Variants in ZGRF1 observed in about 807,000 individuals in gnomAD.
The protein encoded by ZGRF1 is 5'-3' DNA helicase ZGRF1.
ZGRF1 carries 196 observed loss-of-function variants against 203.5 expected under a neutral mutation model. The ratio of observed to expected loss-of-function variants is 0.96; its 90% confidence interval spans 0.86 to 1.08. The LOEUF is 1.08. Ranked by LOEUF, ZGRF1 falls within the 50% of genes least tolerant of loss-of-function variation. The pLI, the probability that ZGRF1 is intolerant of heterozygous loss-of-function variation, is 0.00. For missense variants in ZGRF1, 2,326 were observed against 2,416.3 expected (o/e 0.96, Z 0.78); for synonymous variants, 809 against 841.3 (o/e 0.96, Z 0.66).
chr4:112,626,481 C>T (rs1338950299), intron 3 of ZGRF1, among the ~76,000 whole-genome samples: 1 of 152,222 alleles, frequency 6.6e-6, no homozygotes, highest in African/African-American at 2.4e-5. Flanking sequence ...GTTCCAACCA[C>T]ACTAATGTCC....
chr4:112,626,934 T>C (rs2047258315), intron 3 of ZGRF1, among the ~76,000 whole-genome samples: 1 of 151,992 alleles, frequency 6.6e-6, no homozygotes, highest in African/African-American at 2.4e-5. Context: ...ATCTCTTGAG[T>C]AGCTGGAATT....
rs767622223 is a variant in ZGRF1 at position 112,539,979 on chromosome 4, G to C, written c.6056C>G (p.Ser2019Ter). The C allele has an allele frequency of 6.2e-7, 1 of 1,613,654 alleles. No homozygotes were observed. The highest frequency in any genetic ancestry group is 8.5e-7 in the Non-Finnish European group (1 of 1,179,740). ...CAATGCAACATTCATTCTTTTTTCT[G>C]AATCAATGAATCCTACTTGTCTTGT... The part of the protein sequence containing the change: ...VRTRQVGFID[S>*]EKRMNVALTR... Residue 2019 changes from serine (S) to a stop codon, truncating the protein, a stop_gained, in exon 27 of 28, where the codon TCA becomes TGA. Transcript: ENST00000505019. LOFTEE classifies it high-confidence loss of function.
chr4:112,560,841 C>A lies in ZGRF1; in HGVS notation c.4852G>T (p.Asp1618Tyr). Residue 1618 changes from aspartate (D) to tyrosine (Y), a missense_variant, in exon 19 of 28, where the codon GAT becomes TAT. Coordinates refer to ENST00000505019, the MANE Select transcript of ZGRF1 (RefSeq NM_018392.5). ...ELIQVHKLNK[D>Y]QATALIQIAQ... ...ATTTGAATTAGAGCTGTAGCTTGAT[C>A]CTTGTTTAACTTGTGTACCTGAATC... 6.2e-7 allele frequency: 1 copy of A among 1,613,632 alleles called. No individual in the cohort carries two copies. Among genetic ancestry groups the A allele is most frequent in the South Asian group, 1.1e-5 (1 of 91,080 alleles).
At chr4:112,605,786 C>A (rs980731354) in intron 9 of ZGRF1, 2 of 491,068 alleles carry the variant, frequency 4.1e-6, no homozygotes, top group African/African-American at 4.0e-5. Context: ...ATAATGTAAA[C>A]ACTGTTATTA....
intron 24 of ZGRF1, among the ~76,000 whole-genome samples, chr4:112,541,658 A>G (rs966855314): frequency 4.0e-5 from 6 of 151,744 alleles, no homozygotes; most frequent in Non-Finnish European, 7.4e-5. Flanking sequence ...CCTCCCGAGT[A>G]GCTGGGATTA....
At chr4:112,552,423 T>C (rs1031299969) in intron 22 of ZGRF1, among the ~76,000 whole-genome samples, 1 of 152,206 alleles carries the variant, frequency 6.6e-6, no homozygotes, top group Admixed American at 6.5e-5. Context: ...CAATAGATCA[T>C]AGTAACTGGG....
intron 14 of ZGRF1, among the ~76,000 whole-genome samples, chr4:112,584,761 C>A (rs907285752): frequency 2.0e-5 from 3 of 152,208 alleles, no homozygotes; most frequent in Non-Finnish European, 2.9e-5. Context: ...TCCAAATTTA[C>A]ACACTTAGCT....
At chr4:112,549,871 C>T (rs1739574293) in intron 22 of ZGRF1, among the ~76,000 whole-genome samples, 1 of 152,042 alleles carries the variant, frequency 6.6e-6, no homozygotes, top group South Asian at 2.1e-4. Context: ...CTGACAGCCC[C>T]ATGTGTCCTA....
chr4:112,587,295 A>G lies in ZGRF1; in HGVS notation c.3762T>C (p.Ser1254=), dbSNP rs754105515. The G allele has an allele frequency of 5.6e-6, 9 of 1,609,344 alleles. No individual in the cohort carries two copies. Among genetic ancestry groups the G allele is most frequent in the Middle Eastern group, 1.9e-4 (1 of 5,200 alleles). Residue 1254 remains serine, a synonymous_variant, in exon 12 of 28, where the codon AGT becomes AGC. Transcript: ENST00000505019. ...VLGGSTCYNY[S]VKDLQEISGS... The stretch of plus-strand genomic sequence containing the variant: ...ATTTCCTCACCTGTAAATCCTTTAC[A>G]CTGTAGTTGTAGCAGGTAGACCCTC...
chr4:112,632,088 A>C, intron 2 of ZGRF1, 78 bp from the exon 3 acceptor site: 1 of 591,800 alleles, frequency 1.7e-6, no homozygotes, highest in South Asian at 5.3e-5. Flanking sequence ...TCCTTCCTAC[A>C]TACAAAATAT....
At chr4:112,594,115 C>G (rs1433149240) in intron 10 of ZGRF1, among the ~76,000 whole-genome samples, 1 of 152,112 alleles carries the variant, frequency 6.6e-6, no homozygotes, top group Non-Finnish European at 1.5e-5. Context: ...AGATTTCCTA[C>G]ATAGCAATTA....
At chr4:112,612,172 G>C (rs776505628) in intron 7 of ZGRF1, among the ~76,000 whole-genome samples, 34 of 152,130 alleles carry the variant, frequency 2.2e-4, no homozygotes, top group Non-Finnish European at 4.6e-4. Context: ...CACCACATCA[G>C]CCAGGCTGGT....
intron 4 of ZGRF1, 70 bp downstream of exon 4, chr4:112,623,747 A>T: frequency 1.3e-6 from 1 of 757,962 alleles, no homozygotes; most frequent in Non-Finnish European, 2.2e-6. Flanking sequence ...CACTAACAAT[A>T]TTCATAAAGG....
chr4:112,620,724 A>G lies in ZGRF1; in HGVS notation c.163-534T>C, dbSNP rs184582643. On this transcript the variant is annotated intron_variant, in intron 4 of 27. Coordinates refer to ENST00000505019, the MANE Select transcript of ZGRF1 (RefSeq NM_018392.5). ...AAACTTTTAAAAAAATTAGCCATGC[A>G]TGGTGGCATGCACCTATAGTCCCAG... Among the ~76,000 whole-genome samples the G allele has an allele frequency of 5.3e-5, 8 of 152,270 alleles. 2 individuals carry two copies. The highest frequency in any genetic ancestry group is 1.9e-4 in the African/African-American group (8 of 41,552).
chr4:112,635,259 A>G (rs1430049194), intron 1 of ZGRF1, among the ~76,000 whole-genome samples: 2 of 151,626 alleles, frequency 1.3e-5, no homozygotes, highest in Non-Finnish European at 2.9e-5. Context: ...CCTGGGCTAG[A>G]TATGCTGTAT....
At chr4:112,608,295 T>C (rs1751065984) in intron 8 of ZGRF1, among the ~76,000 whole-genome samples, 2 of 152,148 alleles carry the variant, frequency 1.3e-5, no homozygotes. Context: ...TTATCTGTAG[T>C]TTATACTCTG....
rs139885288 is a variant in ZGRF1 at position 112,555,884 on chromosome 4, G to A, written c.5121-1102C>T. 2.8e-3 allele frequency among the ~76,000 whole-genome samples: 421 copies of A among 152,182 alleles called. 1 individual carries two copies. Among genetic ancestry groups the A allele is most frequent in the African/African-American group, 9.4e-3 (389 of 41,516 alleles). ...AAAGAATCTCTTTTATAAGTTTCCT[G>A]TTAACTTTTAGTATTGAGTACTTAC... is the stretch of plus-strand genomic sequence containing the variant. On this transcript the variant is annotated intron_variant, in intron 20 of 27. Coordinates refer to ENST00000505019, the MANE Select transcript of ZGRF1 (RefSeq NM_018392.5).
In ZGRF1 at chr4:112,565,249, G is replaced by C. The variant is rs183424441; in HGVS notation, c.4439-1975C>G. ...TAAAACAGATCTGCACTTCCAGAGC[G>C]CAGCTATCGGTGCTTTGCAGGAGGC... On this transcript the variant is annotated intron_variant, in intron 16 of 27. Coordinates refer to ENST00000505019, the MANE Select transcript of ZGRF1 (RefSeq NM_018392.5). The C allele has an allele frequency of 2.5e-4, 393 of 1,591,312 alleles. No homozygotes were observed. In the African/African-American group the frequency reaches 4.6e-3, roughly 19 times the overall value.
At chr4:112,608,809 T>A (rs1393661809) in intron 8 of ZGRF1, among the ~76,000 whole-genome samples, 3 of 152,208 alleles carry the variant, frequency 2.0e-5, no homozygotes, top group African/African-American at 4.8e-5. Context: ...TGTTCTGTTT[T>A]AGGCAACAGA....
Sources: allele counts gnomAD v4.1 joint callset (sites outside exome capture counted in the v4.1 genomes callset), GRCh38; gene constraint gnomAD v4.1.1; transcripts MANE v1.5; gene names NCBI Gene and HGNC (gene_info 2026-07-23, HGNC 2026-07-21).